The following MED12L variants were observed in gnomAD, a reference collection of about 807,000 sequenced individuals.
MED12L encodes mediator of RNA polymerase II transcription subunit 12-like protein.
In MED12L, 60 loss-of-function variants were observed where a neutral mutation model predicts 281.3. The observed-to-expected ratio is 0.21, with a 90% CI of 0.17 to 0.26. The LOEUF (loss-of-function observed/expected upper bound fraction) is 0.26. MED12L is among the 10% of genes least tolerant of loss of function. MED12L has a pLI of 1.00. For missense variants in MED12L, 2,146 were observed against 2,680.9 expected (o/e 0.80, Z 4.41); for synonymous variants, 974 against 987.2 (o/e 0.99, Z 0.25).
At chr3:151,296,108 C>T (rs1745053055) in intron 16 of MED12L, among the ~76,000 whole-genome samples, 1 of 152,052 alleles carries the variant, frequency 6.6e-6, no homozygotes, top group African/African-American at 2.4e-5. Context: ...CAGTTTATTA[C>T]CAAAGAGGAC....
intron 11 of MED12L, among the ~76,000 whole-genome samples, chr3:151,183,854 C>T (rs1346254083): frequency 1.3e-5 from 2 of 152,160 alleles, no homozygotes; most frequent in Non-Finnish European, 2.9e-5. Flanking sequence ...GGATATGAAG[C>T]ATATTACTGC....
At chr3:151,112,775 T>C (rs1357198354) in intron 2 of MED12L, among the ~76,000 whole-genome samples, 1 of 152,204 alleles carries the variant, frequency 6.6e-6, no homozygotes, top group African/African-American at 2.4e-5. Context: ...GCCCCTACTC[T>C]GGGTGACAAA....
chr3:151,287,787 G>C (rs1485027472), intron 16 of MED12L, among the ~76,000 whole-genome samples: 1 of 152,102 alleles, frequency 6.6e-6, no homozygotes, highest in Non-Finnish European at 1.5e-5. Context: ...TTTTTAACTT[G>C]CCTCTTTAGG....
chr3:151,147,708 C>T (rs528405750), intron 5 of MED12L, among the ~76,000 whole-genome samples: 15 of 152,278 alleles, frequency 9.9e-5, no homozygotes, highest in Admixed American at 3.9e-4. Flanking sequence ...CTCTTAGGGC[C>T]GAATGGTGTT....
intron 17 of MED12L, among the ~76,000 whole-genome samples, chr3:151,353,718 C>T (rs1177206558): frequency 6.6e-6 from 1 of 152,180 alleles, no homozygotes; most frequent in East Asian, 1.9e-4. Flanking sequence ...TCAGTGAAAT[C>T]TTGTTCATTT....
chr3:151,119,047 T>C (rs981640887), intron 3 of MED12L, among the ~76,000 whole-genome samples: 2 of 152,220 alleles, frequency 1.3e-5, no homozygotes, highest in Non-Finnish European at 2.9e-5. Flanking sequence ...TTATTTTGTA[T>C]GCACTTTTCC....
intron 3 of MED12L, among the ~76,000 whole-genome samples, chr3:151,121,367 C>T (rs1344202605): frequency 6.6e-6 from 1 of 152,172 alleles, no homozygotes; most frequent in Non-Finnish European, 1.5e-5. Flanking sequence ...ATTACGTTAA[C>T]ACACCAAAAC....
Position 151,435,702 on chromosome 3 carries a change from GATCA to G in MED12L, c.*2903_*2906del, listed in dbSNP as rs146402205. The G allele has an allele frequency of 6.6e-6, 1 of 152,126 alleles. No homozygotes were observed. The highest frequency in any genetic ancestry group is 1.5e-5 in the Non-Finnish European group (1 of 68,028). 9.4% of individuals were successfully genotyped at this position (152,126 alleles called of 1,614,324 possible). A position where few individuals can be genotyped will look rare whatever the true frequency, so the allele number is the denominator to read the frequency against. On this transcript the variant is annotated 3_prime_UTR_variant, in exon 45 of 45. Transcript: ENST00000687756. ...AAACCCCACCCCTAGATTTAGATAA[GATCA>G]ATCATTTAATATTCCCCAAATTAAT... is the stretch of plus-strand genomic sequence containing the variant.
Position 151,279,720 on chromosome 3 carries a change from C to T in MED12L, c.2251-70339C>T, listed in dbSNP as rs368019443. ...AGGACAAGTGGATGTGAGGAGGAGC[C>T]GCTAGAGCCTGGTTATTACCAGGGC... On this transcript the variant is annotated intron_variant, in intron 16 of 44. Transcript: ENST00000687756. Among the ~76,000 whole-genome samples the T allele has an allele frequency of 3.9e-5, 6 of 152,292 alleles. No homozygotes were observed. The East Asian group carries it at 5.8e-4, about 15-fold the overall frequency.
At chr3:151,200,833 T>C (rs1009401840) in intron 16 of MED12L, 2 of 152,250 alleles carry the variant, frequency 1.3e-5, no homozygotes, top group Non-Finnish European at 2.9e-5. Flanking sequence ...TAACTTCTTA[T>C]CATTTCCATA....
At chr3:151,367,537 G>T in intron 23 of MED12L, 109 bp from the exon 24 acceptor site, 1 of 947,554 alleles carries the variant, frequency 1.1e-6, no homozygotes, top group Admixed American at 2.6e-5. Context: ...GCTGGTTCAT[G>T]TTGGGATTTG....
chr3:151,245,615 T>C (rs1179306707), intron 16 of MED12L, among the ~76,000 whole-genome samples: 29 of 148,294 alleles, frequency 2.0e-4, no homozygotes, highest in Middle Eastern at 3.2e-3. Context: ...TGATGGGATG[T>C]ATTTCAAAAT....
intron 16 of MED12L, among the ~76,000 whole-genome samples, chr3:151,299,694 T>G (rs977991804): frequency 6.6e-6 from 1 of 151,964 alleles, no homozygotes; most frequent in Non-Finnish European, 1.5e-5. Flanking sequence ...CCCAGTAGAT[T>G]AGGTAGATGT....
intron 11 of MED12L, among the ~76,000 whole-genome samples, chr3:151,174,091 G>A (rs892302209): frequency 4.6e-5 from 7 of 152,134 alleles, no homozygotes; most frequent in African/African-American, 1.7e-4. Flanking sequence ...TACCAGTTGA[G>A]CACCCCAGTT....
At chr3:151,365,555 A>G (rs186357312) in intron 22 of MED12L, among the ~76,000 whole-genome samples, 165 of 152,324 alleles carry the variant, frequency 1.1e-3, no homozygotes, top group African/African-American at 3.4e-3. Flanking sequence ...AAATTTTTTG[A>G]TGCCCTTAAA....
rs998345135 is a variant in MED12L at position 151,233,433 on chromosome 3, C to T, written c.2250+39767C>T. Among the ~76,000 whole-genome samples the T allele has an allele frequency of 2.0e-5, 3 of 152,258 alleles. No individual in the cohort carries two copies. In the South Asian group the frequency reaches 6.2e-4, roughly 32 times the overall value. ...ACATGTAGTATAAGTTAAAGCACAA[C>T]AAAAAGAACATAGCACTGGGCCGGG... On this transcript the variant is annotated intron_variant, in intron 16 of 44. Transcript: ENST00000687756.
At chr3:151,420,631 C>A (rs1577611161) in intron 43 of MED12L, among the ~76,000 whole-genome samples, 1 of 152,226 alleles carries the variant, frequency 6.6e-6, no homozygotes, top group African/African-American at 2.4e-5. Context: ...AAAGTATTGT[C>A]ACCTAATTGG....
chr3:151,220,751 T>A (rs999301859), intron 16 of MED12L, among the ~76,000 whole-genome samples: 3 of 152,186 alleles, frequency 2.0e-5, no homozygotes, highest in African/African-American at 7.2e-5. Context: ...CCAGTAAACC[T>A]CTTTCTTTTG....
At chr3:151,231,125 T>C (rs1318682830) in intron 16 of MED12L, among the ~76,000 whole-genome samples, 1 of 152,162 alleles carries the variant, frequency 6.6e-6, no homozygotes, top group East Asian at 1.9e-4. Flanking sequence ...TTCAGGAGTT[T>C]ATGGTGATAT....
Sources: allele counts gnomAD v4.1 joint callset (sites outside exome capture counted in the v4.1 genomes callset), GRCh38; gene constraint gnomAD v4.1.1; transcripts MANE v1.5; gene names NCBI Gene and HGNC (gene_info 2026-07-23, HGNC 2026-07-21).